Variants in PDS5A observed in about 807,000 individuals in gnomAD.
The protein encoded by PDS5A is sister chromatid cohesion protein PDS5 homolog A.
Under a neutral mutation model 167.1 loss-of-function variants are expected in PDS5A, and 42 were observed. The observed-to-expected ratio is 0.25, with a 90% CI of 0.20 to 0.33. The LOEUF is 0.33. Among genes scored for constraint, PDS5A ranks in the 10% least tolerant of loss-of-function variants. The pLI is 1.00. For synonymous variants in PDS5A, 553 were observed against 554.6 expected (o/e 1.00, Z 0.04); for missense variants, 1,033 against 1,605.9 (o/e 0.64, Z 6.10).
chr4:39,975,635 T>C (rs1731016159), intron 2 of PDS5A, among the ~76,000 whole-genome samples: 1 of 152,172 alleles, frequency 6.6e-6, no homozygotes, highest in South Asian at 2.1e-4. Flanking sequence ...CTGCCTCTGG[T>C]CTTCCCCTAC....
chr4:39,861,519 A>G (rs1215163964), intron 26 of PDS5A, among the ~76,000 whole-genome samples: 2 of 152,208 alleles, frequency 1.3e-5, no homozygotes, highest in African/African-American at 2.4e-5. Flanking sequence ...GATACAAGGA[A>G]TAAGTTCTGA....
chr4:39,876,449 A>G (rs1445242078), intron 19 of PDS5A, among the ~76,000 whole-genome samples: 2 of 152,172 alleles, frequency 1.3e-5, no homozygotes, highest in African/African-American at 4.8e-5. Flanking sequence ...TATACTCTGA[A>G]CTAATTGCCA....
At chr4:39,910,723 G>A (rs937556329) in intron 9 of PDS5A, among the ~76,000 whole-genome samples, 2 of 152,142 alleles carry the variant, frequency 1.3e-5, no homozygotes, top group African/African-American at 4.8e-5. Context: ...TTCCAGGCAC[G>A]GTGGCTGACA....
intron 9 of PDS5A, among the ~76,000 whole-genome samples, chr4:39,911,297 G>A (rs917503245): frequency 6.6e-6 from 1 of 151,916 alleles, no homozygotes; most frequent in African/African-American, 2.4e-5. Flanking sequence ...TCAGGAGGCC[G>A]AGGCAGGAGA....
At chr4:39,880,940 CT>C (rs1216553872) in intron 17 of PDS5A, among the ~76,000 whole-genome samples, 2 of 152,046 alleles carry the variant, frequency 1.3e-5, no homozygotes, top group African/African-American at 4.8e-5. Context: ...GTATTTCTCC[CT>C]AATCCTCCCT....
intron 26 of PDS5A, among the ~76,000 whole-genome samples, chr4:39,854,817 T>C (rs140505505): frequency 0.02 from 3,000 of 152,272 alleles, 43 homozygotes; most frequent in Middle Eastern, 0.048. Context: ...TAAGGAAATA[T>C]GAACATATGA....
At chr4:39,836,237 T>C (rs1295262052) in intron 32 of PDS5A, among the ~76,000 whole-genome samples, 1 of 152,130 alleles carries the variant, frequency 6.6e-6, no homozygotes, top group African/African-American at 2.4e-5. Context: ...TCATGTAAAA[T>C]TTGTCCCTAA....
intron 2 of PDS5A, chr4:39,932,580 C>A: frequency 6.1e-6 from 1 of 163,362 alleles, no homozygotes. Context: ...CGCGGTGGGT[C>A]ACAGCACTTT....
chr4:39,973,504 C>A lies in PDS5A; in HGVS notation c.138+2936G>T, dbSNP rs990033243. 14 of 1,312,006 alleles carry A rather than the reference C, an allele frequency of 1.1e-5. No individual in the cohort carries two copies. In the Middle Eastern group the frequency reaches 1.1e-3, roughly 103 times the overall value. 81.3% of individuals were successfully genotyped at this position (1,312,006 alleles called of 1,614,324 possible). ...TCTTGATGATAGTATTGATGATGAACGTCTCCAGAAAGAGTTTTCTCCATT... is the reference window on the plus strand; with the variant it reads ...TCTTGATGATAGTATTGATGATGAAAGTCTCCAGAAAGAGTTTTCTCCATT... On this transcript the variant is annotated intron_variant, in intron 2 of 32. Coordinates refer to ENST00000303538, the MANE Select transcript of PDS5A (RefSeq NM_001100399.2).
At chr4:39,832,008 G>A (rs564631250) in intron 32 of PDS5A, among the ~76,000 whole-genome samples, 6 of 150,172 alleles carry the variant, frequency 4.0e-5, no homozygotes, top group Admixed American at 2.0e-4. Context: ...CAGCTGCTCC[G>A]GAGGATGAGG....
At chr4:39,887,384 C>A (rs900804450) in intron 17 of PDS5A, among the ~76,000 whole-genome samples, 2 of 152,014 alleles carry the variant, frequency 1.3e-5, no homozygotes, top group Non-Finnish European at 2.9e-5. Context: ...GGTTTTTATT[C>A]TTGGTTCTAT....
At chr4:39,917,850 C>T (rs902559984) in intron 7 of PDS5A, among the ~76,000 whole-genome samples, 4 of 151,364 alleles carry the variant, frequency 2.6e-5, no homozygotes, top group Admixed American at 6.6e-5. Context: ...ACTGGGATTA[C>T]AGGCGTGACC....
chr4:39,840,883 T>G (rs1716939348), intron 31 of PDS5A, among the ~76,000 whole-genome samples: 2 of 151,656 alleles, frequency 1.3e-5, no homozygotes. Flanking sequence ...ACCTCTTGAG[T>G]AGCTGGGATT....
In PDS5A at chr4:39,973,305, A is replaced by T; in HGVS notation, c.138+3135T>A. ...CAGATGCCAACATGGAAGCAGTCAA[A>T]GGTTCCTGACCTTGTACATGAACAG... On this transcript the variant is annotated intron_variant, in intron 2 of 32. Coordinates refer to ENST00000303538, the MANE Select transcript of PDS5A (RefSeq NM_001100399.2). The T allele has an allele frequency of 1.9e-6, 3 of 1,606,144 alleles. No individual in the cohort carries two copies. In the South Asian group the frequency reaches 3.3e-5, roughly 18 times the overall value.
intron 2 of PDS5A, among the ~76,000 whole-genome samples, chr4:39,940,278 G>C (rs1268232982): frequency 6.6e-6 from 1 of 152,006 alleles, no homozygotes; most frequent in African/African-American, 2.4e-5. Flanking sequence ...AATATGTAGT[G>C]AAAATGTAAG....
At chr4:39,861,363 T>A (rs1212634914) in intron 26 of PDS5A, among the ~76,000 whole-genome samples, 2 of 151,856 alleles carry the variant, frequency 1.3e-5, no homozygotes, top group Non-Finnish European at 2.9e-5. Flanking sequence ...GAGGCTGAGA[T>A]GGGAGAATCA....
chr4:39,937,728 A>G (rs1380375950), intron 2 of PDS5A, among the ~76,000 whole-genome samples: 1 of 152,220 alleles, frequency 6.6e-6, no homozygotes, highest in African/African-American at 2.4e-5. Flanking sequence ...TTGTAAGTCC[A>G]ACATAGCAAA....
chr4:39,952,725 A>T (rs1486052501), intron 2 of PDS5A, among the ~76,000 whole-genome samples: 2 of 128,256 alleles, frequency 1.6e-5, no homozygotes, highest in African/African-American at 2.9e-5. Context: ...CAGATCTGGA[A>T]TTTTTTTTTT....
chr4:39,828,975 A>G (rs1489547271), intron 32 of PDS5A, among the ~76,000 whole-genome samples: 1 of 152,220 alleles, frequency 6.6e-6, no homozygotes. Flanking sequence ...CAAGGGTGCC[A>G]GGCCTTCTTT....
Sources: gnomAD v4.1 joint callset for allele counts (sites outside exome capture counted in the v4.1 genomes callset) on GRCh38, gnomAD v4.1.1 for gene constraint, MANE v1.5 for transcripts, NCBI Gene and HGNC (gene_info 2026-07-23, HGNC 2026-07-21) for gene names.